DGKG: variants seen among roughly 807,000 people sequenced by gnomAD.
DGKG encodes the protein diacylglycerol kinase gamma, also known as DAG kinase gamma.
A neutral mutation model predicts 105.3 loss-of-function variants in DGKG; 78 were observed. The ratio of observed to expected loss-of-function variants is 0.74; its 90% CI spans 0.62 to 0.89. The LOEUF is 0.89. DGKG is among the 40% of genes least tolerant of loss of function. The probability of loss-of-function intolerance (pLI) is 0.00; values close to 1 mark genes in which losing one functional copy is unlikely to be tolerated. For synonymous variants in DGKG, 346 were observed against 367.1 expected (o/e 0.94, Z 0.66); for missense variants, 958 against 1,020.1 (o/e 0.94, Z 0.83).
rs540501703 is a variant in DGKG, at chr3:186,193,884, G to C, written c.1918-5505C>G. ...CCCTAACCCAGGACCTGGCTAGCAG[G>C]CTGCCCTCCGAGCCGAGGCTGCGCT... On this transcript the variant is annotated intron_variant, in intron 21 of 24. Transcript: ENST00000265022. Among the ~76,000 whole-genome samples the C allele has an allele frequency of 2.4e-3, 362 of 152,380 alleles. 2 individuals are homozygous for C. The highest frequency in any genetic ancestry group is 8.3e-3 in the African/African-American group (344 of 41,596).
In DGKG at chr3:186,306,823, T is replaced by C. The variant is rs1011175194; in HGVS notation, c.144+78A>G. 1.3e-5 allele frequency: 13 copies of C among 970,556 alleles called. No homozygotes were observed. In the South Asian group the frequency reaches 1.7e-4, roughly 13 times the overall value. 60.1% of individuals were successfully genotyped at this position (970,556 alleles called of 1,614,324 possible). On this transcript the variant is annotated intron_variant, in intron 3 of 24. Transcript: ENST00000265022. Reference sequence around the variant, plus strand: ...AGCAAGTTCTTCAAGGCAAGCGGAGTCTCCAAGAGGGAAACAAATTATGGA... The same window carrying C: ...AGCAAGTTCTTCAAGGCAAGCGGAGCCTCCAAGAGGGAAACAAATTATGGA...
At chr3:186,286,012 T>A (rs1002782246) in intron 6 of DGKG, among the ~76,000 whole-genome samples, 1 of 152,194 alleles carries the variant, frequency 6.6e-6, no homozygotes, top group Non-Finnish European at 1.5e-5. Context: ...CCCTTCATCA[T>A]GCCTGCTTTC....
intron 22 of DGKG, among the ~76,000 whole-genome samples, chr3:186,182,346 G>A (rs1198478796): frequency 6.6e-6 from 1 of 152,164 alleles, no homozygotes; most frequent in Non-Finnish European, 1.5e-5. Flanking sequence ...CTGACCAAGG[G>A]CTCACCAGGT....
intron 22 of DGKG, among the ~76,000 whole-genome samples, chr3:186,170,293 G>T (rs1239685134): frequency 1.3e-5 from 2 of 152,370 alleles, no homozygotes; most frequent in Non-Finnish European, 2.9e-5. Context: ...ACTGGGCTAA[G>T]TTATTGGGTG....
At position 186,298,166 on chromosome 3, in the gene DGKG, G is replaced by C; in HGVS notation, c.208C>G (p.Pro70Ala). ...RAYLEVDLPQ[P>A]LSTHLFLAFS... ...GCCAGGAAGAGGTGAGTGCTCAGTGGCTGGGGAAGGTCCACCTCCAGGTAC... is the reference window on the plus strand; with the variant it reads ...GCCAGGAAGAGGTGAGTGCTCAGTGCCTGGGGAAGGTCCACCTCCAGGTAC... The change falls in exon 4 of 25, where the codon CCA (proline) becomes GCA (alanine). Residue 70 changes from proline (P) to alanine (A), a missense_variant. Coordinates refer to ENST00000265022, the MANE Select transcript of DGKG (RefSeq NM_001346.3). The C allele has an allele frequency of 1.2e-6, 2 of 1,614,092 alleles. No homozygotes were observed. The highest frequency in any genetic ancestry group is 1.7e-6 in the Non-Finnish European group (2 of 1,179,982).
chr3:186,275,476 C>A, intron 10 of DGKG, 71 bp downstream of exon 10: 1 of 1,308,728 alleles, frequency 7.6e-7, no homozygotes, highest in South Asian at 1.2e-5. Flanking sequence ...ATTTTCTCTG[C>A]AATGGATCAA....
chr3:186,180,463 C>G (rs927417709), intron 22 of DGKG, among the ~76,000 whole-genome samples: 6 of 152,140 alleles, frequency 3.9e-5, no homozygotes, highest in East Asian at 3.9e-4. Context: ...ACTTCTGGGG[C>G]TCCCTAGGGG....
chr3:186,198,504 C>A (rs891551620), intron 21 of DGKG, among the ~76,000 whole-genome samples: 1 of 152,230 alleles, frequency 6.6e-6, no homozygotes, highest in African/African-American at 2.4e-5. Context: ...CAGTCCCTGT[C>A]CTCAAGGTAC....
rs1408617770 is a variant in DGKG at position 186,298,145 on chromosome 3, G to A, written c.229C>T (p.Leu77=). ...LPQPLSTHLF[L]AFSQKPRHET... is the part of the protein sequence containing the mutation. ...TGTCTGGGCTTCTGGCTGAAGGCCAGGAAGAGGTGAGTGCTCAGTGGCTGG... is the reference window on the plus strand; with the variant it reads ...TGTCTGGGCTTCTGGCTGAAGGCCAAGAAGAGGTGAGTGCTCAGTGGCTGG... The change falls in exon 4 of 25, where the codon CTG becomes TTG. Residue 77 remains leucine, a synonymous_variant. Coordinates refer to ENST00000265022, the MANE Select transcript of DGKG (RefSeq NM_001346.3). 1 of 1,614,202 alleles carries A rather than the reference G, an allele frequency of 6.2e-7. No homozygotes were observed. Among genetic ancestry groups the A allele is most frequent in the Non-Finnish European group, 8.5e-7 (1 of 1,180,028 alleles).
chr3:186,311,973 G>A (rs1252495854), intron 2 of DGKG, among the ~76,000 whole-genome samples: 3 of 140,202 alleles, frequency 2.1e-5, no homozygotes, highest in East Asian at 1.9e-4. Context: ...AAAATTAGCC[G>A]GGCGCGGTGG....
At chr3:186,228,429 T>C (rs1050785568) in intron 20 of DGKG, among the ~76,000 whole-genome samples, 1 of 152,208 alleles carries the variant, frequency 6.6e-6, no homozygotes, top group African/African-American at 2.4e-5. Context: ...AAATTTTTGC[T>C]CCACAAATAC....
intron 1 of DGKG, among the ~76,000 whole-genome samples, chr3:186,335,158 GCCT>G (rs1725771947): frequency 6.6e-6 from 1 of 152,060 alleles, no homozygotes; most frequent in Non-Finnish European, 1.5e-5. Flanking sequence ...TGCAACCTTC[GCCT>G]CCTGGATTCA....
At position 186,264,271 on chromosome 3, in the gene DGKG, T is replaced by TTTC. The variant is rs374073364; in HGVS notation, c.1269+975_1269+976insGAA. On this transcript the variant is annotated intron_variant, in intron 14 of 24. Coordinates refer to ENST00000265022, the MANE Select transcript of DGKG (RefSeq NM_001346.3). The stretch of plus-strand genomic sequence containing the variant: ...CTTATGTTTCACTTTTCTTTTTCTT[T>TTTC]TTTTTCTTTTGAGACATAATCTCCC... Among the ~76,000 whole-genome samples, 713 of 147,422 alleles carry TTTC rather than the reference T, an allele frequency of 4.8e-3. 3 individuals are homozygous for TTTC. Among genetic ancestry groups the TTTC allele is most frequent in the Non-Finnish European group, 6.3e-3 (420 of 66,314 alleles).
chr3:186,268,796 C>A lies in DGKG; in HGVS notation c.1116+5G>T. 6.2e-7 allele frequency: 1 copy of A among 1,606,442 alleles called. No homozygotes were observed. Among genetic ancestry groups the A allele is most frequent in the Non-Finnish European group, 8.5e-7 (1 of 1,173,888 alleles). On this transcript the variant is annotated splice_donor_5th_base_variant and intron_variant, in intron 12 of 24. Coordinates refer to ENST00000265022, the MANE Select transcript of DGKG (RefSeq NM_001346.3). ...GAAGCAGGGCCGCCCTGGGCGCCAACCCACCGTCATCCGGCACCACACGCA... is the reference window on the plus strand; with the variant it reads ...GAAGCAGGGCCGCCCTGGGCGCCAAACCACCGTCATCCGGCACCACACGCA...
At position 186,182,644 on chromosome 3, in the gene DGKG, T is replaced by C. The variant is rs932825968; in HGVS notation, c.2095+5558A>G. On this transcript the variant is annotated intron_variant, in intron 22 of 24. Coordinates refer to ENST00000265022, the MANE Select transcript of DGKG (RefSeq NM_001346.3). ...ACATCTTACTTATCAAATGAGTTTA[T>C]AATAGCTCCATGAAATTAAATTCTC... Among the ~76,000 whole-genome samples the C allele has an allele frequency of 4.5e-4, 69 of 152,358 alleles. 1 individual carries two copies. The highest frequency in any genetic ancestry group is 1.6e-3 in the African/African-American group (68 of 41,582).
At position 186,182,888 on chromosome 3, in the gene DGKG, T is replaced by C. The variant is rs73054176; in HGVS notation, c.2095+5314A>G. On this transcript the variant is annotated intron_variant, in intron 22 of 24. Coordinates refer to ENST00000265022, the MANE Select transcript of DGKG (RefSeq NM_001346.3). ...GAAGGGGACACAAAGATAAAGAACA[T>C]GTGATCCTCATTTTCCAGGTAATGG... Among the ~76,000 whole-genome samples the C allele has an allele frequency of 7.5e-3, 1,139 of 152,236 alleles. 10 individuals carry two copies. Among genetic ancestry groups the C allele is most frequent in the African/African-American group, 0.026 (1,081 of 41,536 alleles).
chr3:186,344,143 T>C (rs1431591863), intron 1 of DGKG, among the ~76,000 whole-genome samples: 1 of 152,224 alleles, frequency 6.6e-6, no homozygotes, highest in Non-Finnish European at 1.5e-5. Context: ...GTTGGGAGTG[T>C]AAATTAGTTC....
intron 21 of DGKG, among the ~76,000 whole-genome samples, chr3:186,189,353 C>T (rs1717796932): frequency 6.6e-6 from 1 of 152,200 alleles, no homozygotes; most frequent in South Asian, 2.1e-4. Context: ...AAAGTCAGCC[C>T]ACTTTGGCAT....
chr3:186,206,009 C>T (rs1415737501), intron 21 of DGKG, among the ~76,000 whole-genome samples: 1 of 152,046 alleles, frequency 6.6e-6, no homozygotes, highest in South Asian at 2.1e-4. Flanking sequence ...ACTTACTTCC[C>T]CTCCATCAAA....
Sources: allele counts gnomAD v4.1 joint callset (sites outside exome capture counted in the v4.1 genomes callset), GRCh38; gene constraint gnomAD v4.1.1; transcripts MANE v1.5; gene names NCBI Gene and HGNC (gene_info 2026-07-23, HGNC 2026-07-21).